DYRK1A: variants seen among roughly 807,000 people sequenced by gnomAD.
The protein encoded by DYRK1A is dual specificity tyrosine phosphorylation regulated kinase 1A, also known as dual specificity tyrosine-phosphorylation-regulated kinase 1A.
DYRK1A carries 9 observed loss-of-function variants against 79.7 expected under a neutral mutation model. The ratio of observed to expected loss-of-function variants is 0.11; its 90% CI spans 0.07 to 0.20. The LOEUF is 0.20. Ranked by LOEUF, DYRK1A falls within the 10% of genes least tolerant of loss-of-function variation. The pLI, the probability that DYRK1A is intolerant of heterozygous loss-of-function variation, is 1.00. For missense variants in DYRK1A, 622 were observed against 956.0 expected, an observed-to-expected ratio of 0.65 and a Z score of 4.61; for synonymous variants, 349 against 329.7, an observed-to-expected ratio of 1.06 and a Z score of -0.63.
In DYRK1A at chr21:37,373,040, G is replaced by C. The variant is rs11911791; in HGVS notation, c.-77+5412G>C. ...CAGGAAGAAGTTTTTCTTGATCATG[G>C]CTGTAACTCCAGTGCCTGGCACATA... On this transcript the variant is annotated intron_variant, in intron 1 of 11. Transcript: ENST00000647188. Among the ~76,000 whole-genome samples the C allele has an allele frequency of 2.8e-3, 433 of 152,212 alleles. 2 individuals carry two copies. The highest frequency in any genetic ancestry group is 9.5e-3 in the African/African-American group (393 of 41,536).
chr21:37,428,792 AGATTTG>A (rs1297834989), intron 2 of DYRK1A: 1 of 152,232 alleles, frequency 6.6e-6, no homozygotes, highest in Non-Finnish European at 1.5e-5. Flanking sequence ...TCATTGCTTA[AGATTTG>A]GATAGTGTAG....
chr21:37,457,033 CTTACTTATTTATTTATTTAT>C (rs201661285), intron 2 of DYRK1A, among the ~76,000 whole-genome samples: 39,790 of 116,192 alleles, frequency 0.34, 5,951 homozygotes, highest in East Asian at 0.39. Flanking sequence ...TACTTACTTA[CTTACTTATTTATTTATTTAT>C]TTATTTATTT....
At chr21:37,476,994 T>G (rs2148567511) in intron 3 of DYRK1A, among the ~76,000 whole-genome samples, 1 of 152,310 alleles carries the variant, frequency 6.6e-6, no homozygotes, top group South Asian at 2.1e-4. Context: ...GTAGTAAAGT[T>G]CATGATTTAC....
At chr21:37,417,529 C>CTTTTTCTTTTTCTTTTTT (rs1555959239) in intron 1 of DYRK1A, among the ~76,000 whole-genome samples, 3 of 44,046 alleles carry the variant, frequency 6.8e-5, no homozygotes, top group African/African-American at 1.0e-4. Context: ...TTTTCTTTTT[C>CTTTTTCTTTTTCTTTTTT]TTTTTTTTTT....
At chr21:37,490,055 A>T in intron 6 of DYRK1A, 120 bp from the exon 7 acceptor site, 1 of 1,056,704 alleles carries the variant, frequency 9.5e-7, no homozygotes, top group Non-Finnish European at 1.3e-6. Flanking sequence ...CTGATCTCCA[A>T]ACTTTAACTG....
At chr21:37,437,094 C>G (rs575474608) in intron 2 of DYRK1A, among the ~76,000 whole-genome samples, 1 of 152,038 alleles carries the variant, frequency 6.6e-6, no homozygotes, top group Admixed American at 6.5e-5. Flanking sequence ...GGGGCCTGTT[C>G]GAAAATTGCA....
chr21:37,476,822 C>A (rs921123646), intron 3 of DYRK1A, among the ~76,000 whole-genome samples: 1 of 33,304 alleles, frequency 3.0e-5, no homozygotes. Flanking sequence ...AAGGGTTCCC[C>A]CCCCCCCCAA....
intron 2 of DYRK1A, among the ~76,000 whole-genome samples, chr21:37,464,120 T>C (rs887322974): frequency 6.6e-6 from 1 of 152,194 alleles, no homozygotes; most frequent in African/African-American, 2.4e-5. Context: ...TGGCTTCTGA[T>C]ACTTGTTATT....
intron 1 of DYRK1A, among the ~76,000 whole-genome samples, chr21:37,403,647 AAATATATAT>A (rs1387057948): frequency 5.1e-4 from 53 of 103,896 alleles, no homozygotes; most frequent in Admixed American, 1.3e-3. Context: ...AAAAAAAAAA[AAATATATAT>A]ATATATATGT....
rs2148667560 is a variant in DYRK1A, at chr21:37,514,839, T to C, written c.*2308T>C. 6.6e-6 allele frequency: 1 copy of C among 152,304 alleles called. No individual in the cohort carries two copies. The highest frequency in any genetic ancestry group is 3.4e-3 in the Middle Eastern group (1 of 294). 9.4% of individuals were successfully genotyped at this position (152,304 alleles called of 1,614,324 possible). ...TAAGATATCATATGGGTCAGGTCATTTTTTTTTTCTGTGCTGGTTGCCACA... is the reference window on the plus strand; with the variant it reads ...TAAGATATCATATGGGTCAGGTCATCTTTTTTTTCTGTGCTGGTTGCCACA... On this transcript the variant is annotated 3_prime_UTR_variant, in exon 12 of 12. Coordinates refer to ENST00000647188, the MANE Select transcript of DYRK1A (RefSeq NM_001347721.2).
At chr21:37,442,456 GT>G (rs2051137047) in intron 2 of DYRK1A, among the ~76,000 whole-genome samples, 2 of 152,144 alleles carry the variant, frequency 1.3e-5, no homozygotes, top group Non-Finnish European at 2.9e-5. Flanking sequence ...TTCTGAGGTA[GT>G]TTTTATTGCT....
At chr21:37,501,101 T>C (rs1476081169) in intron 9 of DYRK1A, among the ~76,000 whole-genome samples, 2 of 151,570 alleles carry the variant, frequency 1.3e-5, no homozygotes, top group Non-Finnish European at 2.9e-5. Context: ...ATGGTATAAA[T>C]TTCCCTCCAA....
chr21:37,497,304 CT>C (rs2053300913), intron 9 of DYRK1A, among the ~76,000 whole-genome samples: 1 of 152,106 alleles, frequency 6.6e-6, no homozygotes, highest in Admixed American at 6.5e-5. Flanking sequence ...TCTTTCAAAA[CT>C]GATTTGTAAG....
At chr21:37,401,099 G>A (rs1272961515) in intron 1 of DYRK1A, among the ~76,000 whole-genome samples, 1 of 152,052 alleles carries the variant, frequency 6.6e-6, no homozygotes, top group Admixed American at 6.6e-5. Flanking sequence ...AGCTGAGATC[G>A]TGCCACTGCA....
chr21:37,376,943 AT>A (rs1280235189), intron 1 of DYRK1A, among the ~76,000 whole-genome samples: 2 of 152,114 alleles, frequency 1.3e-5, no homozygotes, highest in African/African-American at 4.8e-5. Context: ...TACACACACA[AT>A]TATATATATT....
chr21:37,373,169 C>T (rs1251083362), intron 1 of DYRK1A, among the ~76,000 whole-genome samples: 3 of 149,860 alleles, frequency 2.0e-5, no homozygotes, highest in East Asian at 1.9e-4. Context: ...AGCTTCTCCT[C>T]GCTTCAGTAT....
In DYRK1A at chr21:37,366,858, T is replaced by A. The variant is rs1291593688; in HGVS notation, c.-847T>A. 1 of 152,636 alleles carries A rather than the reference T, an allele frequency of 6.6e-6. No individual in the cohort carries two copies. The highest frequency in any genetic ancestry group is 1.5e-5 in the Non-Finnish European group (1 of 68,442). The allele number at this position is 152,636 out of a possible 1,614,324, so 9.5% of individuals were successfully genotyped here. On this transcript the variant is annotated 5_prime_UTR_variant, in exon 1 of 12. It adds an upstream start codon to the 5' untranslated region. Coordinates refer to ENST00000647188, the MANE Select transcript of DYRK1A (RefSeq NM_001347721.2). Reference sequence around the variant, plus strand: ...GCCCGAATAATAATAAAAAGCCCCATTGGAGTGAGGCGGGGGTGGCGGCGG... The same window carrying A: ...GCCCGAATAATAATAAAAAGCCCCAATGGAGTGAGGCGGGGGTGGCGGCGG...
Position 37,512,567 on chromosome 21 carries a change from TTA to T in DYRK1A, c.*39_*40del, listed in dbSNP as rs758032986. ...ACTTGAGTTTGTTTCTTGTGTGTTT[TTA>T]TAGAAGTGGTGTTTTTTTTCCAAAA... On this transcript the variant is annotated 3_prime_UTR_variant, in exon 12 of 12. Coordinates refer to ENST00000647188, the MANE Select transcript of DYRK1A (RefSeq NM_001347721.2). 1 of 1,591,284 alleles carries T rather than the reference TTA, an allele frequency of 6.3e-7. No individual in the cohort carries two copies. The highest frequency in any genetic ancestry group is 8.6e-7 in the Non-Finnish European group (1 of 1,166,864).
intron 1 of DYRK1A, among the ~76,000 whole-genome samples, chr21:37,372,887 GT>G (rs1000631164): frequency 1.3e-5 from 2 of 151,920 alleles, no homozygotes; most frequent in African/African-American, 4.8e-5. Flanking sequence ...AGGACCATTT[GT>G]TTTTCTTTGC....
Sources: allele counts gnomAD v4.1 joint callset (sites outside exome capture counted in the v4.1 genomes callset), GRCh38; gene constraint gnomAD v4.1.1; transcripts MANE v1.5; gene names NCBI Gene and HGNC (gene_info 2026-07-23, HGNC 2026-07-21).